The following KCNQ1 variants were observed in gnomAD, a reference collection of about 807,000 sequenced individuals.
KCNQ1 encodes potassium voltage-gated channel subfamily KQT member 1.
A neutral mutation model predicts 72.4 loss-of-function variants in KCNQ1; 49 were observed. The observed-to-expected ratio is 0.68, with a 90% CI of 0.54 to 0.86. The LOEUF (loss-of-function observed/expected upper bound fraction) is 0.86, where lower values mean the gene tolerates loss of function less well. KCNQ1 is among the 40% of genes least tolerant of loss of function. KCNQ1 has a pLI of 0.00. For missense variants in KCNQ1, 790 were observed against 945.1 expected (o/e 0.84, Z 2.15); for synonymous variants, 450 against 412.6 (o/e 1.09, Z -1.10).
intron 15 of KCNQ1, among the ~76,000 whole-genome samples, chr11:2,798,153 C>T (rs1431804584): frequency 1.3e-5 from 2 of 152,130 alleles, no homozygotes; most frequent in South Asian, 2.1e-4. Flanking sequence ...CAGGCCCAAG[C>T]AAGCCTGCAT....
chr11:2,536,745 G>A lies in KCNQ1; in HGVS notation c.477+8727G>A, dbSNP rs926976012. ...TCCAGCCACGTGGGTCGCGAGAGTC[G>A]ACCTGGGCTGCGTGATGGGGGACCC... is the stretch of plus-strand genomic sequence containing the variant. On this transcript the variant is annotated intron_variant, in intron 2 of 15. Coordinates refer to ENST00000155840, the MANE Select transcript of KCNQ1 (RefSeq NM_000218.3). This position sits in a 1 kb window ranked among gnomAD's most constrained non-coding sequence, Gnocchi z 7.4. Among the ~76,000 whole-genome samples, 1 of 150,810 alleles carries A rather than the reference G, an allele frequency of 6.6e-6. No homozygotes were observed. The highest frequency in any genetic ancestry group is 1.9e-4 in the East Asian group (1 of 5,166).
chr11:2,663,930 G>T lies in KCNQ1; in HGVS notation c.1514+1849G>T, dbSNP rs1029792714. 2.8e-5 allele frequency: 11 copies of T among 398,596 alleles called. No homozygotes were observed. The highest frequency in any genetic ancestry group is 4.4e-5 in the Non-Finnish European group (10 of 226,124). 24.7% of individuals were successfully genotyped at this position (398,596 alleles called of 1,614,324 possible). ...CATCTAGGACACTGGGCTGTTTCTT[G>T]TTCCACTCCAGGATGACAGGGCCTG... On this transcript the variant is annotated intron_variant, in intron 11 of 15. Coordinates refer to ENST00000155840, the MANE Select transcript of KCNQ1 (RefSeq NM_000218.3). This position sits in a 1 kb window ranked among gnomAD's most constrained non-coding sequence, Gnocchi z 5.2.
rs529209048 is a variant in KCNQ1, at chr11:2,665,866, T to C, written c.1514+3785T>C. The C allele has an allele frequency of 3.3e-4, 130 of 398,792 alleles. No homozygotes were observed. The East Asian group carries it at 4.6e-3, about 14-fold the overall frequency. The allele number at this position is 398,792 out of a possible 1,614,324, so 24.7% of individuals were successfully genotyped here. On this transcript the variant is annotated intron_variant, in intron 11 of 15. Transcript: ENST00000155840. Reference sequence around the variant, plus strand: ...CTAGGGGCCTGAGGATCTGCGGCTCTGAACTTGGGGGCTGTGTGCAGGTGT... The same window carrying C: ...CTAGGGGCCTGAGGATCTGCGGCTCCGAACTTGGGGGCTGTGTGCAGGTGT...
chr11:2,515,032 T>G lies in KCNQ1; in HGVS notation c.387-12896T>G, dbSNP rs926180894. Among the ~76,000 whole-genome samples, 2 of 152,194 alleles carry G rather than the reference T, an allele frequency of 1.3e-5. No homozygotes were observed. The highest frequency in any genetic ancestry group is 4.8e-5 in the African/African-American group (2 of 41,452). On this transcript the variant is annotated intron_variant, in intron 1 of 15. Transcript: ENST00000155840. The surrounding 1 kb of genome is among the most constrained non-coding windows in gnomAD (Gnocchi z 4.7). The stretch of plus-strand genomic sequence containing the variant: ...GCTTCCTCAAGTCTTTCTTGTTTTT[T>G]TATGTTATTTTATTTTAGATTTGAG...
In KCNQ1 at chr11:2,538,975, T is replaced by C. The variant is rs1399367461; in HGVS notation, c.477+10957T>C. 6.6e-6 allele frequency among the ~76,000 whole-genome samples: 1 copy of C among 152,156 alleles called. No homozygotes were observed. Among genetic ancestry groups the C allele is most frequent in the Non-Finnish European group, 1.5e-5 (1 of 68,024 alleles). On this transcript the variant is annotated intron_variant, in intron 2 of 15. Coordinates refer to ENST00000155840, the MANE Select transcript of KCNQ1 (RefSeq NM_000218.3). This position sits in a 1 kb window ranked among gnomAD's most constrained non-coding sequence, Gnocchi z 6.7. ...CCTGGGAACCACCAGTCAGCGTCTT[T>C]CCTCCAGGGAGGCTGTGCAGAGGGA...
At chr11:2,702,885 C>CCA (rs1850841938) in intron 11 of KCNQ1, among the ~76,000 whole-genome samples, 1 of 152,188 alleles carries the variant, frequency 6.6e-6, no homozygotes, top group African/African-American at 2.4e-5. Context: ...CACCCCCTCG[C>CCA]CACACACGGG....
chr11:2,590,938 C>T (rs527856627), intron 10 of KCNQ1, among the ~76,000 whole-genome samples: 1 of 152,368 alleles, frequency 6.6e-6, no homozygotes, highest in East Asian at 1.9e-4. Context: ...CCTGGCATCA[C>T]CACAGGTCAC....
At chr11:2,465,087 G>T (rs555875191) in intron 1 of KCNQ1, among the ~76,000 whole-genome samples, 2 of 152,136 alleles carry the variant, frequency 1.3e-5, no homozygotes, top group Non-Finnish European at 2.9e-5. Context: ...TGCTTAGACC[G>T]CACCGAGAAA....
intron 1 of KCNQ1, among the ~76,000 whole-genome samples, chr11:2,521,134 C>T (rs1166793779): frequency 6.6e-6 from 1 of 152,062 alleles, no homozygotes; most frequent in Non-Finnish European, 1.5e-5. Flanking sequence ...GCAATAGGTA[C>T]ATTTACATGG....
chr11:2,706,622 T>C (rs1850915384), intron 11 of KCNQ1, among the ~76,000 whole-genome samples: 1 of 152,234 alleles, frequency 6.6e-6, no homozygotes, highest in Non-Finnish European at 1.5e-5. Context: ...TCACCAGGCT[T>C]AGTCTGACCC....
rs1254997863 is a variant in KCNQ1, at chr11:2,659,560, A to G, written c.1394-2401A>G. 4 of 398,448 alleles carry G rather than the reference A, an allele frequency of 1.0e-5. No homozygotes were observed. The highest frequency in any genetic ancestry group is 1.3e-4 in the South Asian group (1 of 7,866). 24.7% of individuals were successfully genotyped at this position (398,448 alleles called of 1,614,324 possible). A position where few individuals can be genotyped will look rare whatever the true frequency, so the allele number is the denominator to read the frequency against. On this transcript the variant is annotated intron_variant, in intron 10 of 15. Transcript: ENST00000155840. This position sits in a 1 kb window ranked among gnomAD's most constrained non-coding sequence, Gnocchi z 4.3. ...TTTGGTAATTATGAGCAGAGTTACT[A>G]TACACATTTATGTACAGGTTTTTGC...
chr11:2,742,737 C>T lies in KCNQ1; in HGVS notation c.1515-26107C>T, dbSNP rs546608032. On this transcript the variant is annotated intron_variant, in intron 11 of 15. Transcript: ENST00000155840. ...CCTTCCCCTCCCCATGTGCTGAATT[C>T]GGGGCGGTCCTGACAGCCATGCGCG... 1.6e-4 allele frequency among the ~76,000 whole-genome samples: 25 copies of T among 152,352 alleles called. No individual in the cohort carries two copies. The South Asian group carries it at 3.5e-3, about 21-fold the overall frequency.
At chr11:2,727,852 C>T (rs1845793182) in intron 11 of KCNQ1, among the ~76,000 whole-genome samples, 1 of 152,156 alleles carries the variant, frequency 6.6e-6, no homozygotes, top group Non-Finnish European at 1.5e-5. Flanking sequence ...AGGGACGTGG[C>T]CAGGCATTCG....
rs1445086979 is a variant in KCNQ1, at chr11:2,462,993, G to T, written c.386+17509G>T. Among the ~76,000 whole-genome samples, 1 of 152,174 alleles carries T rather than the reference G, an allele frequency of 6.6e-6. No homozygotes were observed. Among genetic ancestry groups the T allele is most frequent in the Non-Finnish European group, 1.5e-5 (1 of 68,022 alleles). On this transcript the variant is annotated intron_variant, in intron 1 of 15. Coordinates refer to ENST00000155840, the MANE Select transcript of KCNQ1 (RefSeq NM_000218.3). The surrounding 1 kb of genome is among the most constrained non-coding windows in gnomAD (Gnocchi z 8.2). ...TGGAAGAGTCTTGGGTGAGGCCCCT[G>T]AACTGGTAAGCGGGGCAGCGGCGGC...
rs1215583031 is a variant in KCNQ1 at position 2,450,422 on chromosome 11, C to A, written c.386+4938C>A. On this transcript the variant is annotated intron_variant, in intron 1 of 15. Coordinates refer to ENST00000155840, the MANE Select transcript of KCNQ1 (RefSeq NM_000218.3). This position sits in a 1 kb window ranked among gnomAD's most constrained non-coding sequence, Gnocchi z 7.9. ...TCTGCTGCTGGAGGGGAGAATGAGG[C>A]AATGAATATCACCATCCTGGGCCAC... Among the ~76,000 whole-genome samples the A allele has an allele frequency of 6.6e-6, 1 of 152,114 alleles. No homozygotes were observed. Among genetic ancestry groups the A allele is most frequent in the Admixed American group, 6.5e-5 (1 of 15,270 alleles).
intron 1 of KCNQ1, among the ~76,000 whole-genome samples, chr11:2,527,254 C>A (rs1847525958): frequency 6.6e-6 from 1 of 152,180 alleles, no homozygotes. Context: ...CCACAGCCTG[C>A]CGCCTGGAGG....
chr11:2,691,594 A>G lies in KCNQ1; in HGVS notation c.1514+29513A>G, dbSNP rs971892388. The G allele has an allele frequency of 5.0e-6, 2 of 398,418 alleles. No homozygotes were observed. The highest frequency in any genetic ancestry group is 8.8e-6 in the Non-Finnish European group (2 of 226,058). The allele number at this position is 398,418 out of a possible 1,614,324, so 24.7% of individuals were successfully genotyped here. A position where few individuals can be genotyped will look rare whatever the true frequency, so the allele number is the denominator to read the frequency against. ...AGCAAGGACGAGGCCTCCCTGAGGG[A>G]GTCAACCTAGCTTGTTCCCTGCACG... is the stretch of plus-strand genomic sequence containing the variant. On this transcript the variant is annotated intron_variant, in intron 11 of 15. Coordinates refer to ENST00000155840, the MANE Select transcript of KCNQ1 (RefSeq NM_000218.3). The surrounding 1 kb of genome is among the most constrained non-coding windows in gnomAD (Gnocchi z 6.4).
In KCNQ1 at chr11:2,683,611, G is replaced by A. The variant is rs1850435831; in HGVS notation, c.1514+21530G>A. 5.0e-6 allele frequency: 2 copies of A among 398,412 alleles called. No individual in the cohort carries two copies. The highest frequency in any genetic ancestry group is 4.4e-5 in the Admixed American group (1 of 22,714). The allele number at this position is 398,412 out of a possible 1,614,324, so 24.7% of individuals were successfully genotyped here. On this transcript the variant is annotated intron_variant, in intron 11 of 15. Coordinates refer to ENST00000155840, the MANE Select transcript of KCNQ1 (RefSeq NM_000218.3). The surrounding 1 kb of genome is among the most constrained non-coding windows in gnomAD (Gnocchi z 4.7). ...GAAATGCCAACTCATTTCAAATACT[G>A]CTCTAGACAACTGGGCCCTGCATCT...
chr11:2,605,373 G>A (rs1848864460), intron 10 of KCNQ1, among the ~76,000 whole-genome samples: 1 of 152,034 alleles, frequency 6.6e-6, no homozygotes, highest in Admixed American at 6.6e-5. Flanking sequence ...CCAAATCCAA[G>A]GTCATAAAGA....
Sources: gnomAD v4.1 joint callset for allele counts (sites outside exome capture counted in the v4.1 genomes callset) on GRCh38, gnomAD v4.1.1 for gene constraint, Gnocchi (gnomAD v3.1) non-coding constraint, MANE v1.5 for transcripts, NCBI Gene and HGNC (gene_info 2026-07-23, HGNC 2026-07-21) for gene names.